Variants in GRIK5 observed in about 807,000 individuals in gnomAD.
GRIK5 encodes glutamate ionotropic receptor kainate type subunit 5, also known as glutamate receptor ionotropic, kainate 5.
In GRIK5, 43 loss-of-function variants were observed where a neutral mutation model predicts 97.4. The observed-to-expected ratio is 0.44, with a 90% CI of 0.35 to 0.57. The LOEUF (loss-of-function observed/expected upper bound fraction) is 0.57. Among genes scored for constraint, GRIK5 ranks in the 20% least tolerant of loss-of-function variants. The pLI, the probability that GRIK5 is intolerant of heterozygous loss-of-function variation, is 0.01. For missense variants in GRIK5, 1,015 were observed against 1,382.0 expected (o/e 0.73, Z 4.21); for synonymous variants, 580 against 583.5 (o/e 0.99, Z 0.09).
chr19:42,059,337 T>C lies in GRIK5; in HGVS notation c.687+12A>G. On this transcript the variant is annotated intron_variant, in intron 6 of 19. Transcript: ENST00000593562. ...CCCCAGTCCTTTGGGAAATCAGAGG[T>C]AGGGGCCTCACCTTACGGAGGATGA... The C allele has an allele frequency of 6.3e-7, 1 of 1,598,448 alleles. No homozygotes were observed. Among genetic ancestry groups the C allele is most frequent in the Non-Finnish European group, 8.6e-7 (1 of 1,167,478 alleles).
At chr19:42,032,258 T>C (rs1443741805) in intron 12 of GRIK5, among the ~76,000 whole-genome samples, 2 of 152,254 alleles carry the variant, frequency 1.3e-5, no homozygotes, top group Admixed American at 6.5e-5. Context: ...AGTAACATTC[T>C]GTTTAGGTTA....
rs1555871056 is a variant in GRIK5 at position 42,002,188 on chromosome 19, G to A, written c.2514+1144C>T. On this transcript the variant is annotated intron_variant, in intron 19 of 19. Coordinates refer to ENST00000593562, the MANE Select transcript of GRIK5 (RefSeq NM_002088.5). This position sits in a 1 kb window ranked among gnomAD's most constrained non-coding sequence, Gnocchi z 5.2. Reference sequence around the variant, plus strand: ...GGGACCGATGCCAGACTGGAGTGGGGGGCAAGAGGAAATGGGAGGAAAGAA... The same window carrying A: ...GGGACCGATGCCAGACTGGAGTGGGAGGCAAGAGGAAATGGGAGGAAAGAA... 1.4e-6 allele frequency: 1 copy of A among 717,616 alleles called. No homozygotes were observed. Among genetic ancestry groups the A allele is most frequent in the East Asian group, 2.7e-5 (1 of 37,298 alleles). The allele number at this position is 717,616 out of a possible 1,614,324, so 44.5% of individuals were successfully genotyped here. A position where few individuals can be genotyped will look rare whatever the true frequency, so the allele number is the denominator to read the frequency against.
At chr19:42,012,317 C>A (rs1456966023) in intron 15 of GRIK5, among the ~76,000 whole-genome samples, 1 of 152,148 alleles carries the variant, frequency 6.6e-6, no homozygotes, top group Non-Finnish European at 1.5e-5. Flanking sequence ...GTGGCACGAT[C>A]TCAGCTTACT....
In GRIK5 at chr19:41,999,360, CT is replaced by C; in HGVS notation, c.2515-62del. On this transcript the variant is annotated intron_variant, in intron 19 of 19. Coordinates refer to ENST00000593562, the MANE Select transcript of GRIK5 (RefSeq NM_002088.5). The surrounding 1 kb of genome is among the most constrained non-coding windows in gnomAD (Gnocchi z 5.0). ...GTCCGCCTCCCGCCTCCCCCAGCCCCTCTCCACATCCCACTCCTCCTCCTCC... is the reference window on the plus strand; with the variant it reads ...GTCCGCCTCCCGCCTCCCCCAGCCCCCTCCACATCCCACTCCTCCTCCTCC... 1 of 1,278,936 alleles carries C rather than the reference CT, an allele frequency of 7.8e-7. No homozygotes were observed. Among genetic ancestry groups the C allele is most frequent in the South Asian group, 1.4e-5 (1 of 71,684 alleles). The allele number at this position is 1,278,936 out of a possible 1,614,324, so 79.2% of individuals were successfully genotyped here.
chr19:42,008,745 G>A (rs935736308), intron 15 of GRIK5, among the ~76,000 whole-genome samples: 1 of 152,144 alleles, frequency 6.6e-6, no homozygotes, highest in Non-Finnish European at 1.5e-5. Flanking sequence ...AGCAGACAAG[G>A]ACATGAAAAC....
intron 12 of GRIK5, among the ~76,000 whole-genome samples, chr19:42,025,766 C>T (rs868817271): frequency 2.0e-5 from 3 of 152,298 alleles, no homozygotes; most frequent in Middle Eastern, 6.8e-3. Flanking sequence ...ACACAGCCTG[C>T]AGCCCCAGAG....
intron 1 of GRIK5, among the ~76,000 whole-genome samples, chr19:42,066,969 G>T (rs903415129): frequency 1.3e-5 from 2 of 152,188 alleles, no homozygotes; most frequent in Non-Finnish European, 2.9e-5. Flanking sequence ...GGGAGATGGT[G>T]CATCTTTGCT....
Position 42,021,349 on chromosome 19 carries a change from G to A in GRIK5, c.1823C>T (p.Ser608Leu), listed in dbSNP as rs776996571. The stretch of plus-strand genomic sequence containing the variant: ...GGACAGCGCCCGGGGCATGATCTCC[G>A]AGCCCTGCTGCATGAAGCCCCCCAC... ...FPVGGFMQQG[S>L]EIMPRALSTR... Residue 608 changes from serine (S) to leucine (L), a missense_variant, in exon 15 of 20, where the codon TCG becomes TTG. Ser to Leu is a moderately radical substitution (Grantham distance 145, BLOSUM62 -2). Coordinates refer to ENST00000593562, the MANE Select transcript of GRIK5 (RefSeq NM_002088.5). The surrounding 1 kb of genome is among the most constrained non-coding windows in gnomAD (Gnocchi z 4.2). 4 of 1,613,516 alleles carry A rather than the reference G, an allele frequency of 2.5e-6. No individual in the cohort carries two copies. The highest frequency in any genetic ancestry group is 2.5e-6 in the Non-Finnish European group (3 of 1,179,882).
At position 42,002,306 on chromosome 19, in the gene GRIK5, C is replaced by T. The variant is rs1555871112; in HGVS notation, c.2514+1026G>A. 1.4e-6 allele frequency: 1 copy of T among 717,546 alleles called. No individual in the cohort carries two copies. Among genetic ancestry groups the T allele is most frequent in the Non-Finnish European group, 2.6e-6 (1 of 385,096 alleles). The allele number at this position is 717,546 out of a possible 1,614,324, so 44.4% of individuals were successfully genotyped here. On this transcript the variant is annotated intron_variant, in intron 19 of 19. Coordinates refer to ENST00000593562, the MANE Select transcript of GRIK5 (RefSeq NM_002088.5). This position sits in a 1 kb window ranked among gnomAD's most constrained non-coding sequence, Gnocchi z 5.2. ...CGGTGGCTGGGAGGGAAAGTGAGGT[C>T]AGGAGAGGGTTTAAGACTGGAGAAA...
chr19:42,042,807 G>T lies in GRIK5; in HGVS notation c.1270-52C>A. The T allele has an allele frequency of 6.8e-7, 1 of 1,472,208 alleles. No individual in the cohort carries two copies. The highest frequency in any genetic ancestry group is 9.4e-7 in the Non-Finnish European group (1 of 1,066,652). The allele number at this position is 1,472,208 out of a possible 1,614,324, so 91.2% of individuals were successfully genotyped here. A position where few individuals can be genotyped will look rare whatever the true frequency, so the allele number is the denominator to read the frequency against. ...CAGAGGCTGGGTGTCTAGTGGCTGG[G>T]TTGCGGATCCTGGAGCCCGGACCAG... On this transcript the variant is annotated intron_variant, in intron 11 of 19. Coordinates refer to ENST00000593562, the MANE Select transcript of GRIK5 (RefSeq NM_002088.5). This position sits in a 1 kb window ranked among gnomAD's most constrained non-coding sequence, Gnocchi z 6.9.
intron 11 of GRIK5, among the ~76,000 whole-genome samples, chr19:42,044,962 A>G (rs985969973): frequency 1.3e-5 from 2 of 152,086 alleles, no homozygotes; most frequent in African/African-American, 4.8e-5. Flanking sequence ...AAATATCCAC[A>G]CTGGTTATTG....
intron 1 of GRIK5, chr19:42,068,831 T>C (rs1201807558): frequency 1.5e-6 from 1 of 656,448 alleles, no homozygotes; most frequent in Non-Finnish European, 2.8e-6. Flanking sequence ...AGATAGAGAC[T>C]GGACGGGGTG....
At position 42,053,988 on chromosome 19, in the gene GRIK5, A is replaced by T. The variant is rs2076149468; in HGVS notation, c.1057-59T>A. 3.4e-6 allele frequency: 4 copies of T among 1,169,804 alleles called. No individual in the cohort carries two copies. The Admixed American group carries it at 7.1e-5, about 21-fold the overall frequency. 72.5% of individuals were successfully genotyped at this position (1,169,804 alleles called of 1,614,324 possible). ...TGCAGGGGCCCAGAGATGGGCAGGGAAGGCCCAACGTGGTGAGACATCCAC... is the reference window on the plus strand; with the variant it reads ...TGCAGGGGCCCAGAGATGGGCAGGGTAGGCCCAACGTGGTGAGACATCCAC... On this transcript the variant is annotated intron_variant, in intron 9 of 19. Transcript: ENST00000593562.
chr19:42,033,477 C>A (rs2075865095), intron 12 of GRIK5, among the ~76,000 whole-genome samples: 1 of 151,950 alleles, frequency 6.6e-6, no homozygotes, highest in African/African-American at 2.4e-5. Context: ...AATAGGTAAA[C>A]CCATGGAGAC....
intron 15 of GRIK5, among the ~76,000 whole-genome samples, chr19:42,009,216 C>A (rs782638480): frequency 6.6e-6 from 1 of 151,952 alleles, no homozygotes; most frequent in Non-Finnish European, 1.5e-5. Flanking sequence ...CTAAGTGAGA[C>A]CTTATCGTTA....
intron 15 of GRIK5, among the ~76,000 whole-genome samples, chr19:42,008,721 A>G (rs1555873365): frequency 6.6e-6 from 1 of 152,198 alleles, no homozygotes; most frequent in African/African-American, 2.4e-5. Flanking sequence ...ATTGACATAG[A>G]TGATGACGGA....
intron 12 of GRIK5, among the ~76,000 whole-genome samples, chr19:42,030,688 T>C (rs1012486668): frequency 6.6e-6 from 1 of 151,964 alleles, no homozygotes; most frequent in Non-Finnish European, 1.5e-5. Flanking sequence ...GGTCTTGAAC[T>C]CCTGAGCTCA....
chr19:42,042,799 G>C lies in GRIK5; in HGVS notation c.1270-44C>G. 1 of 1,526,798 alleles carries C rather than the reference G, an allele frequency of 6.5e-7. No homozygotes were observed. Among genetic ancestry groups the C allele is most frequent in the Middle Eastern group, 1.7e-4 (1 of 5,872 alleles). 94.6% of individuals were successfully genotyped at this position (1,526,798 alleles called of 1,614,324 possible). A position where few individuals can be genotyped will look rare whatever the true frequency, so the allele number is the denominator to read the frequency against. On this transcript the variant is annotated intron_variant, in intron 11 of 19. Transcript: ENST00000593562. This position sits in a 1 kb window ranked among gnomAD's most constrained non-coding sequence, Gnocchi z 6.9. The stretch of plus-strand genomic sequence containing the variant: ...GCAGGGGTCAGAGGCTGGGTGTCTA[G>C]TGGCTGGGTTGCGGATCCTGGAGCC...
intron 5 of GRIK5, among the ~76,000 whole-genome samples, chr19:42,060,145 C>T (rs2076239610): frequency 6.6e-6 from 1 of 152,066 alleles, no homozygotes; most frequent in South Asian, 2.1e-4. Flanking sequence ...CTCACAGCCT[C>T]CAAAGCCACA....
Sources: gnomAD v4.1 joint callset for allele counts (sites outside exome capture counted in the v4.1 genomes callset) on GRCh38, gnomAD v4.1.1 for gene constraint, Gnocchi (gnomAD v3.1) non-coding constraint, MANE v1.5 for transcripts, NCBI Gene and HGNC (gene_info 2026-07-23, HGNC 2026-07-21) for gene names.